The following KSR2 variants were observed in gnomAD, a reference collection of about 807,000 sequenced individuals.
KSR2 encodes kinase suppressor of ras 2.
In KSR2, 25 loss-of-function variants were observed where a neutral mutation model predicts 107.8. The ratio of observed to expected loss-of-function variants is 0.23; its 90% CI spans 0.17 to 0.32. The LOEUF (loss-of-function observed/expected upper bound fraction) is 0.32, where lower values mean the gene tolerates loss of function less well. Among genes scored for constraint, KSR2 ranks in the 10% least tolerant of loss-of-function variants. The pLI is 1.00. For synonymous variants in KSR2, 480 were observed against 507.0 expected, an observed-to-expected ratio of 0.95 and a Z score of 0.71; for missense variants, 887 against 1,268.9, an observed-to-expected ratio of 0.70 and a Z score of 4.57.
intron 14 of KSR2, among the ~76,000 whole-genome samples, chr12:117,497,143 G>A (rs974397209): frequency 6.6e-6 from 1 of 152,074 alleles, no homozygotes; most frequent in Non-Finnish European, 1.5e-5. Context: ...CTCCTGAAGT[G>A]CTAGGATTAT....
At chr12:117,662,056 G>C (rs1884454487) in intron 5 of KSR2, among the ~76,000 whole-genome samples, 1 of 152,164 alleles carries the variant, frequency 6.6e-6, no homozygotes, top group Admixed American at 6.5e-5. Flanking sequence ...AAGATGCCAG[G>C]CAACGTGGAA....
chr12:117,658,066 T>C (rs529212450), intron 5 of KSR2, among the ~76,000 whole-genome samples: 3 of 152,340 alleles, frequency 2.0e-5, no homozygotes, highest in African/African-American at 7.2e-5. Context: ...CGTGTGTCCA[T>C]TAGCCTAAGA....
At chr12:117,807,077 T>G (rs1365264054) in intron 3 of KSR2, among the ~76,000 whole-genome samples, 1 of 152,150 alleles carries the variant, frequency 6.6e-6, no homozygotes, top group Non-Finnish European at 1.5e-5. Context: ...TTCCTTTTCA[T>G]GGTGGGGAAT....
intron 5 of KSR2, among the ~76,000 whole-genome samples, chr12:117,597,516 A>G (rs974611043): frequency 6.6e-6 from 1 of 152,216 alleles, no homozygotes; most frequent in Non-Finnish European, 1.5e-5. Context: ...CCATGAGCCA[A>G]GGAAGAAGCG....
At chr12:117,918,897 G>A (rs1342544913) in intron 1 of KSR2, among the ~76,000 whole-genome samples, 3 of 152,144 alleles carry the variant, frequency 2.0e-5, no homozygotes, top group Non-Finnish European at 2.9e-5. Context: ...TTGAGGCCAG[G>A]ACTTTAAGAC....
At chr12:117,501,013 G>A (rs1171044100) in intron 14 of KSR2, among the ~76,000 whole-genome samples, 1 of 152,268 alleles carries the variant, frequency 6.6e-6, no homozygotes, top group African/African-American at 2.4e-5. Flanking sequence ...GGCTTCTGAG[G>A]TGGGAGTTGC....
chr12:117,489,535 T>G (rs1487675651), intron 14 of KSR2, among the ~76,000 whole-genome samples: 27 of 130,200 alleles, frequency 2.1e-4, no homozygotes, highest in Admixed American at 1.3e-3. Flanking sequence ...TGACACAGAG[T>G]GAGACCCTGT....
At chr12:117,589,351 G>T (rs998092018) in intron 5 of KSR2, among the ~76,000 whole-genome samples, 3 of 152,126 alleles carry the variant, frequency 2.0e-5, no homozygotes, top group Admixed American at 1.3e-4. Context: ...TACCCAGTGG[G>T]ACCTAGATTA....
intron 16 of KSR2, among the ~76,000 whole-genome samples, chr12:117,481,546 CTTGATTTTGGACT>C (rs1055677295): frequency 6.6e-6 from 1 of 152,178 alleles, no homozygotes; most frequent in Non-Finnish European, 1.5e-5. Flanking sequence ...TTGCCAGCAC[CTTGATTTTGGACT>C]TTCAGCCTCC....
chr12:117,602,302 G>C lies in KSR2; in HGVS notation c.1172-19943C>G, dbSNP rs146678721. Among the ~76,000 whole-genome samples, 401 of 152,214 alleles carry C rather than the reference G, an allele frequency of 2.6e-3. 10 individuals carry two copies. Among genetic ancestry groups the C allele is most frequent in the Admixed American group, 0.013 (203 of 15,296 alleles). On this transcript the variant is annotated intron_variant, in intron 5 of 19. Transcript: ENST00000339824. ...CCATTGCCTTTAACACGTTCACAGT[G>C]GTGCACAAACATCACCTCTGTATAG...
rs374881532 is a variant in KSR2, at chr12:117,785,414, C to CAAAAAAAAAAAAA, written c.473-23903_473-23891dup. ...TGGGCAACAGAGTGAGACTCCATCT[C>CAAAAAAAAAAAAA]AAAAAAAAAAAAAAAAAAAAAAAAA... is the stretch of plus-strand genomic sequence containing the variant. On this transcript the variant is annotated intron_variant, in intron 3 of 19. Transcript: ENST00000339824. Among the ~76,000 whole-genome samples, 16 of 37,418 alleles carry CAAAAAAAAAAAAA rather than the reference C, an allele frequency of 4.3e-4. 2 individuals are homozygous for CAAAAAAAAAAAAA. Among genetic ancestry groups the CAAAAAAAAAAAAA allele is most frequent in the Admixed American group, 5.3e-4 (1 of 1,878 alleles). The allele number at this position is 37,418 out of a possible 152,430, so 24.5% of individuals were successfully genotyped here. A position where few individuals can be genotyped will look rare whatever the true frequency, so the allele number is the denominator to read the frequency against.
At position 117,874,318 on chromosome 12, in the gene KSR2, A is replaced by C. The variant is rs1893757933; in HGVS notation, c.181-13887T>G. 2.6e-5 allele frequency among the ~76,000 whole-genome samples: 4 copies of C among 151,996 alleles called. No individual in the cohort carries two copies. The South Asian group carries it at 8.3e-4, about 32-fold the overall frequency. ...CACAATCATAGCTCACTGCAGCATC[A>C]ACCTCCTGAACTCAAGCAATCCTCC... On this transcript the variant is annotated intron_variant, in intron 1 of 19. Transcript: ENST00000339824.
At chr12:117,809,430 A>G (rs1158576765) in intron 3 of KSR2, among the ~76,000 whole-genome samples, 1 of 152,120 alleles carries the variant, frequency 6.6e-6, no homozygotes, top group East Asian at 1.9e-4. Context: ...TGACAAGCCA[A>G]CCTACCTCCT....
In KSR2 at chr12:117,601,295, T is replaced by TGGGG. The variant is rs5801243; in HGVS notation, c.1172-18940_1172-18937dup. 2.8e-3 allele frequency among the ~76,000 whole-genome samples: 377 copies of TGGGG among 134,128 alleles called. 4 individuals are homozygous for TGGGG. The highest frequency in any genetic ancestry group is 9.2e-3 in the African/African-American group (305 of 33,158). 88.0% of individuals were successfully genotyped at this position (134,128 alleles called of 152,430 possible). ...CTTACTTGTTTAGAATCCAAGATCT[T>TGGGG]GGGGGGGGGGGTACCTAATTACTAG... is the stretch of plus-strand genomic sequence containing the variant. On this transcript the variant is annotated intron_variant, in intron 5 of 19. Coordinates refer to ENST00000339824, the MANE Select transcript of KSR2 (RefSeq NM_173598.6).
intron 5 of KSR2, among the ~76,000 whole-genome samples, chr12:117,600,210 G>C (rs7316721): frequency 0.012 from 1,837 of 152,276 alleles, 36 homozygotes; most frequent in African/African-American, 0.043. Flanking sequence ...CCCTCCAGGA[G>C]GAAAACAAAT....
chr12:117,777,656 C>G (rs925263833), intron 3 of KSR2, among the ~76,000 whole-genome samples: 22 of 152,324 alleles, frequency 1.4e-4, no homozygotes, highest in African/African-American at 5.1e-4. Flanking sequence ...ATCTTTCCCA[C>G]TGGAATATAA....
intron 1 of KSR2, among the ~76,000 whole-genome samples, chr12:117,951,910 A>T (rs1218864147): frequency 6.6e-6 from 1 of 152,194 alleles, no homozygotes; most frequent in Non-Finnish European, 1.5e-5. Context: ...TAAGGCAGAC[A>T]GAGAAAGACA....
intron 4 of KSR2, among the ~76,000 whole-genome samples, chr12:117,703,438 TC>T (rs1886404039): frequency 1.3e-5 from 2 of 151,940 alleles, no homozygotes. Context: ...CTCAGTTGCC[TC>T]CCCCTGGCCC....
At chr12:117,755,830 A>C (rs1292635622) in intron 4 of KSR2, among the ~76,000 whole-genome samples, 1 of 152,230 alleles carries the variant, frequency 6.6e-6, no homozygotes, top group Non-Finnish European at 1.5e-5. Flanking sequence ...TCTTTTTCTT[A>C]AGGAAACTAA....
Sources: allele counts gnomAD v4.1 joint callset (sites outside exome capture counted in the v4.1 genomes callset), GRCh38; gene constraint gnomAD v4.1.1; transcripts MANE v1.5; gene names NCBI Gene and HGNC (gene_info 2026-07-23, HGNC 2026-07-21).